Variants in SLC6A11 observed in about 807,000 individuals in gnomAD.
The protein encoded by SLC6A11 is sodium- and chloride-dependent GABA transporter 3.
A neutral mutation model predicts 74.8 loss-of-function variants in SLC6A11; 25 were observed. The observed-to-expected ratio is 0.33, with a 90% CI of 0.24 to 0.47. The LOEUF (loss-of-function observed/expected upper bound fraction) is 0.47, where lower values mean the gene tolerates loss of function less well. SLC6A11 is among the 20% of genes least tolerant of loss of function. SLC6A11 has a pLI of 1.00. For synonymous variants in SLC6A11, 330 were observed against 330.2 expected, an observed-to-expected ratio of 1.00 and a Z score of 0.01; for missense variants, 574 against 837.0, an observed-to-expected ratio of 0.69 and a Z score of 3.88.
At chr3:10,907,058 G>A (rs1695312836) in intron 6 of SLC6A11, among the ~76,000 whole-genome samples, 1 of 152,092 alleles carries the variant, frequency 6.6e-6, no homozygotes, top group African/African-American at 2.4e-5. Flanking sequence ...ATTGTCCCAA[G>A]GCATTGCACA....
chr3:10,817,033 G>A (rs2106567949), intron 1 of SLC6A11, among the ~76,000 whole-genome samples: 1 of 152,300 alleles, frequency 6.6e-6, no homozygotes, highest in East Asian at 1.9e-4. Flanking sequence ...GACACTGAGG[G>A]TCAGAGAAGT....
chr3:10,849,119 T>C (rs989102799), intron 5 of SLC6A11, among the ~76,000 whole-genome samples: 1 of 152,226 alleles, frequency 6.6e-6, no homozygotes, highest in African/African-American at 2.4e-5. Context: ...CATAGATATT[T>C]TCCCTCACTC....
At chr3:10,830,616 C>A (rs1457670970) in intron 4 of SLC6A11, among the ~76,000 whole-genome samples, 1 of 152,114 alleles carries the variant, frequency 6.6e-6, no homozygotes, top group African/African-American at 2.4e-5. Context: ...GGGAGGGCCT[C>A]TCTGAGGAGG....
intron 4 of SLC6A11, chr3:10,823,661 G>A (rs186577368): frequency 4.0e-5 from 15 of 375,844 alleles, no homozygotes; most frequent in African/African-American, 2.6e-4. Flanking sequence ...TTGGTGAAAG[G>A]ATAGACAGTT....
Position 10,893,444 on chromosome 3 carries a change from T to C in SLC6A11, c.891+18349T>C, listed in dbSNP as rs185406663. The stretch of plus-strand genomic sequence containing the variant: ...AATATCAGGAGTTCAGAGGTGTTTT[T>C]AATCTTTGAGGGGACGTCAAGGAGG... On this transcript the variant is annotated intron_variant, in intron 6 of 13. Coordinates refer to ENST00000254488, the MANE Select transcript of SLC6A11 (RefSeq NM_014229.3). Among the ~76,000 whole-genome samples, 46 of 152,282 alleles carry C rather than the reference T, an allele frequency of 3.0e-4. No individual in the cohort carries two copies. The East Asian group carries it at 5.2e-3, about 17-fold the overall frequency.
intron 4 of SLC6A11, among the ~76,000 whole-genome samples, chr3:10,843,102 G>C (rs1006467444): frequency 6.6e-6 from 1 of 152,126 alleles, no homozygotes; most frequent in Non-Finnish European, 1.5e-5. Context: ...GAGGGGGTTT[G>C]TGTTGGTGCC....
chr3:10,819,644 G>C (rs1291148248), intron 2 of SLC6A11, 45 bp downstream of exon 2: 1 of 1,609,830 alleles, frequency 6.2e-7, no homozygotes, highest in Non-Finnish European at 8.5e-7. Flanking sequence ...CCCAGGGAAT[G>C]TCAACTGCAA....
intron 6 of SLC6A11, among the ~76,000 whole-genome samples, chr3:10,880,449 TC>T (rs1442739291): frequency 3.9e-5 from 6 of 152,166 alleles, no homozygotes; most frequent in African/African-American, 1.2e-4. Flanking sequence ...GTTGCAGTAT[TC>T]AGGCCTCTTG....
At position 10,926,697 on chromosome 3, in the gene SLC6A11, G is replaced by A. The variant is rs1695612941; in HGVS notation, c.1233+581G>A. Among the ~76,000 whole-genome samples, 2 of 152,124 alleles carry A rather than the reference G, an allele frequency of 1.3e-5. No homozygotes were observed. Among genetic ancestry groups the A allele is most frequent in the Non-Finnish European group, 2.9e-5 (2 of 68,028 alleles). ...TGGCAGCCTCCTTCCCTGGCGAAGG[G>A]GGTAGACCTGGAGCTAGTAACTCAC... is the stretch of plus-strand genomic sequence containing the variant. On this transcript the variant is annotated intron_variant, in intron 9 of 13. Transcript: ENST00000254488. The surrounding 1 kb of genome is among the most constrained non-coding windows in gnomAD (Gnocchi z 5.7).
At chr3:10,820,937 A>G (rs1416315162) in intron 3 of SLC6A11, among the ~76,000 whole-genome samples, 1 of 152,194 alleles carries the variant, frequency 6.6e-6, no homozygotes, top group Non-Finnish European at 1.5e-5. Context: ...AAGATCGGGT[A>G]GGATGTTGGT....
At chr3:10,924,518 C>G (rs1321230119) in intron 8 of SLC6A11, among the ~76,000 whole-genome samples, 1 of 152,122 alleles carries the variant, frequency 6.6e-6, no homozygotes, top group African/African-American at 2.4e-5. Flanking sequence ...TTTTTAACTT[C>G]TGCTCTTCAC....
chr3:10,863,910 C>T (rs1694734067), intron 5 of SLC6A11, among the ~76,000 whole-genome samples: 3 of 152,108 alleles, frequency 2.0e-5, no homozygotes, highest in Admixed American at 2.0e-4. Flanking sequence ...AGCTTGAATC[C>T]TGCCTTTATC....
chr3:10,823,336 C>T lies in SLC6A11; in HGVS notation c.567C>T (p.Ser189=). ...NCVEFQKLNV[S]NYSHVSLQNA... ...TGGAGTTCCAGAAACTGAATGTGAG[C>T]AACTACAGCCATGTGTCTCTGCAGA... Residue 189 remains serine (S), a synonymous_variant, in exon 4 of 14, where the codon AGC becomes AGT. Transcript: ENST00000254488. 3 of 1,613,650 alleles carry T rather than the reference C, an allele frequency of 1.9e-6. No homozygotes were observed. Among genetic ancestry groups the T allele is most frequent in the Non-Finnish European group, 1.7e-6 (2 of 1,179,572 alleles).
rs779651931 is a variant in SLC6A11 at position 10,918,425 on chromosome 3, G to A, written c.1092G>A (p.Gly364=). ...SVLGFMAYEQ[G]VPIAEVAESG... is the part of the protein sequence containing the mutation. ...TGGGTTTTATGGCGTACGAGCAGGG[G>A]GTACCCATTGCTGAGGTGGCAGAGT... Residue 364 remains glycine, a synonymous_variant, in exon 8 of 14, where the codon GGG becomes GGA. Coordinates refer to ENST00000254488, the MANE Select transcript of SLC6A11 (RefSeq NM_014229.3). This position sits in a 1 kb window ranked among gnomAD's most constrained non-coding sequence, Gnocchi z 4.5. 6.2e-7 allele frequency: 1 copy of A among 1,605,004 alleles called. No homozygotes were observed. The highest frequency in any genetic ancestry group is 1.1e-5 in the South Asian group (1 of 89,558).
intron 4 of SLC6A11, among the ~76,000 whole-genome samples, chr3:10,826,342 T>C (rs1032565632): frequency 1.2e-4 from 18 of 152,174 alleles, no homozygotes; most frequent in African/African-American, 4.1e-4. Context: ...TGTGTGGTCT[T>C]TCCCAGTCCC....
In SLC6A11 at chr3:10,915,858, T is replaced by A. The variant is rs1182486851; in HGVS notation, c.996-2471T>A. ...GACAATTTGTTTTTCAACACCTGTGTGGATGCCCAGAGACAATTTTTTAAA... is the reference window on the plus strand; with the variant it reads ...GACAATTTGTTTTTCAACACCTGTGAGGATGCCCAGAGACAATTTTTTAAA... On this transcript the variant is annotated intron_variant, in intron 7 of 13. Transcript: ENST00000254488. This position sits in a 1 kb window ranked among gnomAD's most constrained non-coding sequence, Gnocchi z 4.3. Among the ~76,000 whole-genome samples the A allele has an allele frequency of 6.6e-6, 1 of 152,246 alleles. No individual in the cohort carries two copies. Among genetic ancestry groups the A allele is most frequent in the Non-Finnish European group, 1.5e-5 (1 of 68,036 alleles).
rs578111070 is a variant in SLC6A11, at chr3:10,914,187, A to C, written c.995+1994A>C. 3.4e-4 allele frequency among the ~76,000 whole-genome samples: 52 copies of C among 152,162 alleles called. No individual in the cohort carries two copies. In the East Asian group the frequency reaches 9.5e-3, roughly 28 times the overall value. ...TCACCGGTGATAGCGTCCCTCCCACATTACCCCATCTTTGAGACAGGGAAA... is the reference window on the plus strand; with the variant it reads ...TCACCGGTGATAGCGTCCCTCCCACCTTACCCCATCTTTGAGACAGGGAAA... On this transcript the variant is annotated intron_variant, in intron 7 of 13. Transcript: ENST00000254488.
intron 5 of SLC6A11, among the ~76,000 whole-genome samples, chr3:10,873,686 T>C (rs1694867672): frequency 7.6e-6 from 1 of 132,208 alleles, no homozygotes; most frequent in African/African-American, 3.0e-5. Flanking sequence ...TCCTATCCCG[T>C]CCCATCCTAT....
intron 4 of SLC6A11, among the ~76,000 whole-genome samples, chr3:10,836,517 T>C (rs966266917): frequency 6.6e-6 from 1 of 152,250 alleles, no homozygotes; most frequent in South Asian, 2.1e-4. Context: ...CATTTGTTAT[T>C]GTCTGACTTT....
Sources: allele counts gnomAD v4.1 joint callset (sites outside exome capture counted in the v4.1 genomes callset), GRCh38; gene constraint gnomAD v4.1.1; non-coding constraint Gnocchi (gnomAD v3.1); transcripts MANE v1.5; gene names NCBI Gene and HGNC (gene_info 2026-07-23, HGNC 2026-07-21).